Variants in COG1 observed in about 807,000 individuals in gnomAD.
COG1 encodes conserved oligomeric Golgi complex subunit 1.
Under a neutral mutation model 102.2 loss-of-function variants are expected in COG1, and 61 were observed. The ratio of observed to expected loss-of-function variants is 0.60; its 90% CI spans 0.49 to 0.74. The LOEUF is 0.74. Ranked by LOEUF, COG1 falls within the 30% of genes least tolerant of loss-of-function variation. The pLI is 0.00. For synonymous variants in COG1, 454 were observed against 493.6 expected (o/e 0.92, Z 1.06); for missense variants, 1,164 against 1,232.1 (o/e 0.94, Z 0.83).
chr17:73,202,519 G>A (rs1231529252), intron 7 of COG1, among the ~76,000 whole-genome samples: 2 of 152,096 alleles, frequency 1.3e-5, no homozygotes, highest in East Asian at 1.9e-4. Context: ...CAGGCATGGC[G>A]GCTCATGCCT....
In COG1 at chr17:73,205,556, G is replaced by C. The variant is rs2061366140; in HGVS notation, c.2386G>C (p.Glu796Gln). The change falls in exon 10 of 14, where the codon GAA (glutamate) becomes CAA (glutamine). Residue 796 changes from glutamate to glutamine, a missense_variant. Physicochemically the swap from Glu to Gln is conservative, Grantham distance 29. Transcript: ENST00000299886. ...GGGACTGGGAATTCATTTGCAGAAA[G>C]AAGGTGCATTTCCAGTCACCCAGAA... ...KLSEEKQIKK[E>Q]GAFPVTQNRA... The C allele has an allele frequency of 6.2e-7, 1 of 1,613,940 alleles. No individual in the cohort carries two copies. Among genetic ancestry groups the C allele is most frequent in the Admixed American group, 1.7e-5 (1 of 60,000 alleles).
chr17:73,203,056 G>A lies in COG1; in HGVS notation c.2130G>A (p.Leu710=), dbSNP rs2061353549. 6.2e-7 allele frequency: 1 copy of A among 1,613,926 alleles called. No individual in the cohort carries two copies. The highest frequency in any genetic ancestry group is 1.3e-5 in the African/African-American group (1 of 74,866). ...SLLLDDAGSV[L]ATATSWDELE... ...TTCTAGATGATGCTGGCTCAGTTCT[G>A]GCCACAGCCACCAGCTGGGATGAGC... The change falls in exon 8 of 14, where the codon CTG becomes CTA. Residue 710 remains leucine, a synonymous_variant. Transcript: ENST00000299886.
At position 73,203,016 on chromosome 17, in the gene COG1, T is replaced by A. The variant is rs181808376; in HGVS notation, c.2090T>A (p.Phe697Tyr). The part of the protein sequence containing the change: ...SAVVKVLIHG[F>Y]TQSLLLDDAG... ...TATTACCAGGTTTTGATTCATGGAT[T>A]CACCCAGTCATTACTTCTAGATGAT... Residue 697 changes from phenylalanine (F) to tyrosine (Y), a missense_variant, in exon 8 of 14, where the codon TTC (phenylalanine) becomes TAC (tyrosine). Transcript: ENST00000299886. The A allele has an allele frequency of 1.2e-6, 2 of 1,614,186 alleles. No homozygotes were observed. Among genetic ancestry groups the A allele is most frequent in the East Asian group, 2.2e-5 (1 of 44,872 alleles).
Position 73,206,772 on chromosome 17 carries a change from C to T in COG1, c.2684C>T (p.Ser895Phe). 1 of 1,613,546 alleles carries T rather than the reference C, an allele frequency of 6.2e-7. No homozygotes were observed. Among genetic ancestry groups the T allele is most frequent in the Non-Finnish European group, 8.5e-7 (1 of 1,179,948 alleles). The stretch of plus-strand genomic sequence containing the variant: ...GCCCCCCGGAGCAGTACGTTCAACT[C>T]CCAAGAACCCCATAACATCCTGCCA... ...QLAPRSSTFN[S>F]QEPHNILPLA... The change falls in exon 12 of 14, where the codon TCC becomes TTC. Residue 895 changes from serine (S) to phenylalanine (F), a missense_variant. Physicochemically the swap from Ser to Phe is radical, Grantham distance 155. Transcript: ENST00000299886.
In COG1 at chr17:73,205,537, G is replaced by C; in HGVS notation, c.2383-16G>C. 1 of 1,613,910 alleles carries C rather than the reference G, an allele frequency of 6.2e-7. No individual in the cohort carries two copies. The highest frequency in any genetic ancestry group is 1.1e-5 in the South Asian group (1 of 91,054). On this transcript the variant is annotated splice_polypyrimidine_tract_variant and intron_variant, in intron 9 of 13. Transcript: ENST00000299886. ...TCCTCTCTCTTCATGGGTGGGGACT[G>C]GGAATTCATTTGCAGAAAGAAGGTG...
In COG1 at chr17:73,206,763, C is replaced by A; in HGVS notation, c.2675C>A (p.Thr892Lys). 6.2e-7 allele frequency: 1 copy of A among 1,613,042 alleles called. No homozygotes were observed. The highest frequency in any genetic ancestry group is 8.5e-7 in the Non-Finnish European group (1 of 1,179,900). Residue 892 changes from threonine (T) to lysine (K), a missense_variant, in exon 12 of 14, where the codon ACG becomes AAG. Transcript: ENST00000299886. The part of the protein sequence containing the change: ...TENQLAPRSS[T>K]FNSQEPHNIL... Reference sequence around the variant, plus strand: ...AATCAGCTCGCCCCCCGGAGCAGTACGTTCAACTCCCAAGAACCCCATAAC... The same window carrying A: ...AATCAGCTCGCCCCCCGGAGCAGTAAGTTCAACTCCCAAGAACCCCATAAC...
chr17:73,207,839 A>T (rs1004241774), intron 13 of COG1: 19 of 1,268,450 alleles, frequency 1.5e-5, no homozygotes, highest in Non-Finnish European at 1.8e-5. Flanking sequence ...ACACAATATT[A>T]GCAGTGTATC....
At position 73,193,348 on chromosome 17, in the gene COG1, CG is replaced by C; in HGVS notation, c.281del (p.Gly94AlafsTer32). 6.6e-7 allele frequency: 1 copy of C among 1,509,776 alleles called. No homozygotes were observed. Among genetic ancestry groups the C allele is most frequent in the South Asian group, 1.3e-5 (1 of 78,756 alleles). 93.5% of individuals were successfully genotyped at this position (1,509,776 alleles called of 1,614,324 possible). The stretch of plus-strand genomic sequence containing the variant: ...AGTACTGCGCCCGCCTCCGCCAGGC[CG>C]GCTCGGCCGCGCCCCGGCCACCGCG... The part of the protein sequence containing the change: ...DQYCARLRQA[G>X]SAAPRPPRAQ... On this transcript the variant is annotated frameshift_variant, in exon 1 of 14. Transcript: ENST00000299886. LOFTEE classifies it high-confidence loss of function.
In COG1 at chr17:73,206,869, C is replaced by T. The variant is rs538368258; in HGVS notation, c.2729+52C>T. On this transcript the variant is annotated intron_variant, in intron 12 of 13. Transcript: ENST00000299886. ...GGGCACTTCGGGAGGCCAAGGTGGA[C>T]GGATCACGTCAGGAGATCGAGACCA... The T allele has an allele frequency of 1.7e-5, 21 of 1,250,446 alleles. No individual in the cohort carries two copies. The East Asian group carries it at 1.9e-4, about 11-fold the overall frequency. 77.5% of individuals were successfully genotyped at this position (1,250,446 alleles called of 1,614,324 possible).
chr17:73,208,263 C>T, intron 13 of COG1, 51 bp from the exon 14 acceptor site: 1 of 1,611,256 alleles, frequency 6.2e-7, no homozygotes, highest in Non-Finnish European at 8.5e-7. Flanking sequence ...GGCGAGTGGG[C>T]AGGAGGGCTC....
chr17:73,205,731 A>G lies in COG1; in HGVS notation c.2510+51A>G, dbSNP rs368689788. 1.9e-5 allele frequency: 30 copies of G among 1,611,106 alleles called. No individual in the cohort carries two copies. In the African/African-American group the frequency reaches 3.6e-4, roughly 19 times the overall value. Reference sequence around the variant, plus strand: ...TCAAGGCGGTCTCTTCCAAAAGCAAATAGTCCCTTTGCTGGGAAGCCACCA... The same window carrying G: ...TCAAGGCGGTCTCTTCCAAAAGCAAGTAGTCCCTTTGCTGGGAAGCCACCA... On this transcript the variant is annotated intron_variant, in intron 10 of 13. Coordinates refer to ENST00000299886, the MANE Select transcript of COG1 (RefSeq NM_018714.3).
At position 73,193,222 on chromosome 17, in the gene COG1, G is replaced by T; in HGVS notation, c.153G>T (p.Met51Ile). The change falls in exon 1 of 14, where the codon ATG becomes ATT. Residue 51 changes from methionine (M) to isoleucine (I), a missense_variant. By Grantham distance (10) the Met-to-Ile change is conservative (BLOSUM62 1). Coordinates refer to ENST00000299886, the MANE Select transcript of COG1 (RefSeq NM_018714.3). ...IEHKKEELRQ[M>I]VGERYRDLIE... Reference sequence around the variant, plus strand: ...ACAAGAAGGAGGAGCTGCGGCAGATGGTGGGCGAACGGTACCGCGACCTGA... The same window carrying T: ...ACAAGAAGGAGGAGCTGCGGCAGATTGTGGGCGAACGGTACCGCGACCTGA... 1 of 1,609,024 alleles carries T rather than the reference G, an allele frequency of 6.2e-7. No homozygotes were observed. The highest frequency in any genetic ancestry group is 1.3e-5 in the African/African-American group (1 of 74,980).
At chr17:73,207,390 G>A (rs762402276) in intron 13 of COG1, 134 bp downstream of exon 13, 1 of 870,320 alleles carries the variant, frequency 1.1e-6, no homozygotes, top group African/African-American at 1.7e-5. Context: ...TTTAATGGCG[G>A]CGCAATAGAG....
Position 73,203,085 on chromosome 17 carries a change from A to T in COG1, c.2159A>T (p.Glu720Val). The T allele has an allele frequency of 6.2e-7, 1 of 1,614,238 alleles. No individual in the cohort carries two copies. Among genetic ancestry groups the T allele is most frequent in the Non-Finnish European group, 8.5e-7 (1 of 1,180,046 alleles). The change falls in exon 8 of 14, where the codon GAA becomes GTA. Residue 720 changes from glutamate to valine, a missense_variant. Transcript: ENST00000299886. ...ACAGCCACCAGCTGGGATGAGCTAG[A>T]AATTCAGGAGGAGGCAGAGTCTGGC... Reference protein sequence around the residue: ...LATATSWDELEIQEEAESGSS... With the variant: ...LATATSWDELVIQEEAESGSS...
At chr17:73,208,213 TTG>T (rs2061391648) in intron 13 of COG1, 99 bp from the exon 14 acceptor site, 3 of 1,598,960 alleles carry the variant, frequency 1.9e-6, no homozygotes, top group African/African-American at 2.7e-5. Context: ...TCAGCTCCGC[TTG>T]TGTGTGCCGT....
chr17:73,201,605 A>T lies in COG1; in HGVS notation c.1778A>T (p.Glu593Val). Residue 593 changes from glutamate to valine, a missense_variant, in exon 7 of 14, where the codon GAA (glutamate) becomes GTA (valine). Physicochemically the swap from Glu to Val is moderately radical, Grantham distance 121 (BLOSUM62 -2). Coordinates refer to ENST00000299886, the MANE Select transcript of COG1 (RefSeq NM_018714.3). ...ATCCGGGCAGAGCTACAGAGCATTG[A>T]AGAGGGTGTGCAAGGGCAACAGGAT... The part of the protein sequence containing the change: ...DCIRAELQSI[E>V]EGVQGQQDAL... 6.2e-7 allele frequency: 1 copy of T among 1,614,188 alleles called. No homozygotes were observed. Among genetic ancestry groups the T allele is most frequent in the Non-Finnish European group, 8.5e-7 (1 of 1,180,036 alleles).
chr17:73,203,054 C>A lies in COG1; in HGVS notation c.2128C>A (p.Leu710Met). Residue 710 changes from leucine to methionine, a missense_variant, in exon 8 of 14, where the codon CTG (leucine) becomes ATG (methionine). Leu to Met is a conservative substitution (Grantham distance 15). Coordinates refer to ENST00000299886, the MANE Select transcript of COG1 (RefSeq NM_018714.3). ...ACTTCTAGATGATGCTGGCTCAGTT[C>A]TGGCCACAGCCACCAGCTGGGATGA... is the stretch of plus-strand genomic sequence containing the variant. ...SLLLDDAGSV[L>M]ATATSWDELE... The A allele has an allele frequency of 6.2e-7, 1 of 1,614,162 alleles. No homozygotes were observed. The highest frequency in any genetic ancestry group is 8.5e-7 in the Non-Finnish European group (1 of 1,180,020).
intron 7 of COG1, 31 bp downstream of exon 7, chr17:73,201,931 G>C: frequency 1.2e-6 from 2 of 1,600,972 alleles, no homozygotes; most frequent in East Asian, 4.5e-5. Flanking sequence ...TCCCTGTCTT[G>C]TCTCACTTCT....
chr17:73,206,835 G>C lies in COG1; in HGVS notation c.2729+18G>C, dbSNP rs766601452. On this transcript the variant is annotated intron_variant, in intron 12 of 13. Coordinates refer to ENST00000299886, the MANE Select transcript of COG1 (RefSeq NM_018714.3). The stretch of plus-strand genomic sequence containing the variant: ...CAGATCAGGTAAAGGCTGCCAAGAG[G>C]CTTCTGCGGGGCACTTCGGGAGGCC... 3.2e-6 allele frequency: 5 copies of C among 1,580,990 alleles called. No homozygotes were observed. Among genetic ancestry groups the C allele is most frequent in the Non-Finnish European group, 4.3e-6 (5 of 1,150,348 alleles).
Sources: allele counts gnomAD v4.1 joint callset (sites outside exome capture counted in the v4.1 genomes callset), GRCh38; gene constraint gnomAD v4.1.1; transcripts MANE v1.5; gene names NCBI Gene and HGNC (gene_info 2026-07-23, HGNC 2026-07-21).